The following SAR1B variants were observed in gnomAD, a reference collection of about 807,000 sequenced individuals.
SAR1B encodes secretion associated Ras related GTPase 1B, also known as small COPII coat GTPase SAR1B.
A neutral mutation model predicts 26.8 loss-of-function variants in SAR1B; 23 were observed. The ratio of observed to expected loss-of-function variants is 0.86; its 90% confidence interval spans 0.62 to 1.22. SAR1B has a LOEUF of 1.22. SAR1B is among the 50% of genes most tolerant of loss of function. SAR1B has a pLI of 0.00. For synonymous variants in SAR1B, 65 were observed against 80.8 expected, an observed-to-expected ratio of 0.80 and a Z score of 1.05; for missense variants, 196 against 232.8, an observed-to-expected ratio of 0.84 and a Z score of 1.03.
In SAR1B at chr5:134,605,354, C is replaced by A. The variant is rs984993753; in HGVS notation, c.*1596G>T. ...TTTAAAAATACATTTTTGGCACTTACCTTTCATCTTATATTACTAATGATG... is the reference window on the plus strand; with the variant it reads ...TTTAAAAATACATTTTTGGCACTTAACTTTCATCTTATATTACTAATGATG... On this transcript the variant is annotated 3_prime_UTR_variant, in exon 7 of 7. Coordinates refer to ENST00000402673, the MANE Select transcript of SAR1B (RefSeq NM_016103.4). 3.9e-5 allele frequency: 6 copies of A among 152,004 alleles called. No individual in the cohort carries two copies. Among genetic ancestry groups the A allele is most frequent in the African/African-American group, 1.2e-4 (5 of 41,390 alleles). 9.4% of individuals were successfully genotyped at this position (152,004 alleles called of 1,614,324 possible).
chr5:134,624,945 C>T (rs961512762), intron 1 of SAR1B, among the ~76,000 whole-genome samples: 1 of 151,852 alleles, frequency 6.6e-6, no homozygotes, highest in African/African-American at 2.4e-5. Context: ...ATTTCCTTCT[C>T]AAAAAGGGTG....
chr5:134,615,673 T>C (rs1325818922), intron 3 of SAR1B, among the ~76,000 whole-genome samples: 37 of 130,786 alleles, frequency 2.8e-4, no homozygotes, highest in Non-Finnish European at 4.5e-4. Context: ...AAAAATTAGC[T>C]GGGCGTGGTG....
intron 1 of SAR1B, among the ~76,000 whole-genome samples, chr5:134,628,369 C>G (rs1271947688): frequency 6.6e-6 from 1 of 151,030 alleles, no homozygotes; most frequent in African/African-American, 2.4e-5. Context: ...ATACAAATAC[C>G]CAAAAAGTAC....
chr5:134,603,057 T>G lies in SAR1B; in HGVS notation c.*3893A>C, dbSNP rs1163511652. On this transcript the variant is annotated 3_prime_UTR_variant, in exon 7 of 7. Transcript: ENST00000402673. The stretch of plus-strand genomic sequence containing the variant: ...GAAACTTATGTTTGCTAATTTCTAT[T>G]TTTTCATTGTTTCTTGAAGATTTTT... 2 of 152,238 alleles carry G rather than the reference T, an allele frequency of 1.3e-5. No homozygotes were observed. Among genetic ancestry groups the G allele is most frequent in the Non-Finnish European group, 1.5e-5 (1 of 68,044 alleles). The allele number at this position is 152,238 out of a possible 1,614,324, so 9.4% of individuals were successfully genotyped here. A position where few individuals can be genotyped will look rare whatever the true frequency, so the allele number is the denominator to read the frequency against.
Position 134,619,531 on chromosome 5 carries a change from TTGTTTTTG to T in SAR1B, c.178+1394_178+1401del, listed in dbSNP as rs1485650879. ...TATGCCACCATGCCAGACTAATTTTTTGTTTTTGTTTTTGTAGAGATGGAGTCTCAGTA... is the reference window on the plus strand; with the variant it reads ...TATGCCACCATGCCAGACTAATTTTTTTTTTGTAGAGATGGAGTCTCAGTA... On this transcript the variant is annotated intron_variant, in intron 3 of 6. Coordinates refer to ENST00000402673, the MANE Select transcript of SAR1B (RefSeq NM_016103.4). Among the ~76,000 whole-genome samples, 3 of 151,620 alleles carry T rather than the reference TTGTTTTTG, an allele frequency of 2.0e-5. No homozygotes were observed. In the South Asian group the frequency reaches 6.3e-4, roughly 32 times the overall value.
rs1273523651 is a variant in SAR1B, at chr5:134,606,432, C to G, written c.*518G>C. 1.2e-5 allele frequency: 2 copies of G among 164,982 alleles called. No homozygotes were observed. Among genetic ancestry groups the G allele is most frequent in the Non-Finnish European group, 2.7e-5 (2 of 75,012 alleles). 10.2% of individuals were successfully genotyped at this position (164,982 alleles called of 1,614,324 possible). On this transcript the variant is annotated 3_prime_UTR_variant, in exon 7 of 7. Coordinates refer to ENST00000402673, the MANE Select transcript of SAR1B (RefSeq NM_016103.4). The stretch of plus-strand genomic sequence containing the variant: ...TGAAACATTTGCCCAACAAGGATGC[C>G]AAACATTAGAGTTTGTTTTATTGCA...
At chr5:134,616,884 A>C (rs1765324496) in intron 3 of SAR1B, among the ~76,000 whole-genome samples, 1 of 152,168 alleles carries the variant, frequency 6.6e-6, no homozygotes, top group Non-Finnish European at 1.5e-5. Context: ...ATTATTTATC[A>C]ATTTCCTTTT....
intron 1 of SAR1B, among the ~76,000 whole-genome samples, chr5:134,628,727 T>C (rs990348023): frequency 2.0e-5 from 3 of 151,956 alleles, no homozygotes; most frequent in African/African-American, 7.3e-5. Context: ...CAATCTTGGC[T>C]CACTGCAACC....
chr5:134,622,344 AAGTAATTGAACATATTTGTTCAATCG>A (rs897000751), intron 2 of SAR1B, among the ~76,000 whole-genome samples: 4 of 152,166 alleles, frequency 2.6e-5, no homozygotes, highest in Non-Finnish European at 4.4e-5. Flanking sequence ...CATAATTTAA[AAGTAATTGAACATATTTGTTCAATCG>A]AGTAATTGAA....
At chr5:134,630,794 G>T (rs141142285) in intron 1 of SAR1B, among the ~76,000 whole-genome samples, 2,160 of 130,818 alleles carry the variant, frequency 0.017, 26 homozygotes, top group South Asian at 0.056. Context: ...AAAAAAAAAA[G>T]AAAAAAGAAA....
Position 134,609,689 on chromosome 5 carries a change from CA to C in SAR1B, c.245-16del. Reference sequence around the variant, plus strand: ...CACTCTTCGAGCTAACAAAAACAATCAGGGGTTAGAGTTTACTTGTTGGTCA... The same window carrying C: ...CACTCTTCGAGCTAACAAAAACAATCGGGGTTAGAGTTTACTTGTTGGTCA... On this transcript the variant is annotated splice_polypyrimidine_tract_variant and intron_variant, in intron 4 of 6. Transcript: ENST00000402673. 1 of 1,606,610 alleles carries C rather than the reference CA, an allele frequency of 6.2e-7. No homozygotes were observed. Among genetic ancestry groups the C allele is most frequent in the Non-Finnish European group, 8.5e-7 (1 of 1,173,180 alleles).
chr5:134,628,954 CA>C (rs770940990), intron 1 of SAR1B, among the ~76,000 whole-genome samples: 8 of 151,962 alleles, frequency 5.3e-5, no homozygotes, highest in Non-Finnish European at 1.0e-4. Context: ...ATGCCCGGTA[CA>C]AAAAATTTTT....
At chr5:134,622,558 G>A (rs186341360) in intron 2 of SAR1B, among the ~76,000 whole-genome samples, 2,984 of 151,402 alleles carry the variant, frequency 0.02, 100 homozygotes, top group African/African-American at 0.067. Context: ...CTACAGGCGC[G>A]TGCCACCATG....
Position 134,602,312 on chromosome 5 carries a change from C to T in SAR1B, c.*4638G>A, listed in dbSNP as rs1418483251. 1 of 152,110 alleles carries T rather than the reference C, an allele frequency of 6.6e-6. No homozygotes were observed. Among genetic ancestry groups the T allele is most frequent in the Non-Finnish European group, 1.5e-5 (1 of 68,036 alleles). The allele number at this position is 152,110 out of a possible 1,614,324, so 9.4% of individuals were successfully genotyped here. ...TATTTAATGCTCTAAATTATAAGGA[C>T]AAAAATTAATTGGTTCAGAACTGCC... On this transcript the variant is annotated 3_prime_UTR_variant, in exon 7 of 7. Transcript: ENST00000402673.
At chr5:134,615,554 G>A (rs1051220550) in intron 3 of SAR1B, among the ~76,000 whole-genome samples, 3 of 151,748 alleles carry the variant, frequency 2.0e-5, no homozygotes, top group African/African-American at 4.8e-5. Flanking sequence ...GGTGGCTCAC[G>A]CCTGTAATCC....
intron 4 of SAR1B, 89 bp from the exon 5 acceptor site, chr5:134,609,763 G>T: frequency 1.0e-6 from 1 of 955,092 alleles, no homozygotes. Flanking sequence ...TATCAAGTGC[G>T]GTAATCCCTT....
chr5:134,618,439 CTAAA>C (rs1380240909), intron 3 of SAR1B: 8 of 152,142 alleles, frequency 5.3e-5, no homozygotes, highest in African/African-American at 1.9e-4. Context: ...ATTTACTGGA[CTAAA>C]TAATTACAGT....
chr5:134,630,082 G>A (rs2150057471), intron 1 of SAR1B, among the ~76,000 whole-genome samples: 1 of 152,090 alleles, frequency 6.6e-6, no homozygotes, highest in Non-Finnish European at 1.5e-5. Flanking sequence ...GGCCAACATA[G>A]TGAAACCCCG....
In SAR1B at chr5:134,606,834, A is replaced by T; in HGVS notation, c.*116T>A. On this transcript the variant is annotated 3_prime_UTR_variant, in exon 7 of 7. Coordinates refer to ENST00000402673, the MANE Select transcript of SAR1B (RefSeq NM_016103.4). ...TAAGTTGATTTAATATTAATAATCT[A>T]AAAAACATCTGTTTTATAACCAGCA... is the stretch of plus-strand genomic sequence containing the variant. 2.6e-6 allele frequency: 2 copies of T among 773,088 alleles called. No individual in the cohort carries two copies. Among genetic ancestry groups the T allele is most frequent in the South Asian group, 2.8e-5 (2 of 72,350 alleles). The allele number at this position is 773,088 out of a possible 1,614,324, so 47.9% of individuals were successfully genotyped here.
Sources: allele counts gnomAD v4.1 joint callset (sites outside exome capture counted in the v4.1 genomes callset), GRCh38; gene constraint gnomAD v4.1.1; transcripts MANE v1.5; gene names NCBI Gene and HGNC (gene_info 2026-07-23, HGNC 2026-07-21).